Variants in MDN1 observed in about 807,000 individuals in gnomAD.
The protein encoded by MDN1 is midasin.
A neutral mutation model predicts 669.2 loss-of-function variants in MDN1; 266 were observed. The observed-to-expected ratio is 0.40, with a 90% confidence interval of 0.36 to 0.44. The LOEUF is 0.44. MDN1 is among the 20% of genes least tolerant of loss of function. The probability of loss-of-function intolerance (pLI) is 1.00; values close to 1 mark genes in which losing one functional copy is unlikely to be tolerated. For missense variants in MDN1, 5,940 were observed against 6,754.0 expected (o/e 0.88, Z 4.22); for synonymous variants, 2,385 against 2,457.1 (o/e 0.97, Z 0.87).
At chr6:89,708,350 T>C (rs1312132233) in intron 51 of MDN1, 146 bp downstream of exon 51, 1 of 985,350 alleles carries the variant, frequency 1.0e-6, no homozygotes. Context: ...GATTATCGTA[T>C]GATAAAGGCA....
chr6:89,676,328 T>C lies in MDN1; in HGVS notation c.12540-121A>G, dbSNP rs1334893158. On this transcript the variant is annotated intron_variant, in intron 76 of 101. Coordinates refer to ENST00000369393, the MANE Select transcript of MDN1 (RefSeq NM_014611.3). ...AGAGTCAGCTGTCTGAATAGGTTTA[T>C]TTCTATGAGGAATCATTCAGTGAGG... The C allele has an allele frequency of 3.8e-6, 3 of 784,596 alleles. No individual in the cohort carries two copies. In the African/African-American group the frequency reaches 5.1e-5, roughly 13 times the overall value. 48.6% of individuals were successfully genotyped at this position (784,596 alleles called of 1,614,324 possible).
chr6:89,764,430 C>T (rs1296651501), intron 15 of MDN1, among the ~76,000 whole-genome samples: 1 of 152,130 alleles, frequency 6.6e-6, no homozygotes, highest in Non-Finnish European at 1.5e-5. Flanking sequence ...CATGGTGAAA[C>T]CCTGTCTCTA....
rs369443893 is a variant in MDN1, at chr6:89,708,980, TA to T, written c.7766-353del. On this transcript the variant is annotated intron_variant, in intron 50 of 101. Transcript: ENST00000369393. ...AATTACACAGTGGTCACCATTAGCT[TA>T]AAAAAAAAAAAAAATACGTACATGG... Among the ~76,000 whole-genome samples, 342 of 144,644 alleles carry T rather than the reference TA, an allele frequency of 2.4e-3. 2 individuals are homozygous for T. Among genetic ancestry groups the T allele is most frequent in the African/African-American group, 6.7e-3 (261 of 39,176 alleles). The allele number at this position is 144,644 out of a possible 152,430, so 94.9% of individuals were successfully genotyped here.
Position 89,813,653 on chromosome 6 carries a change from C to T in MDN1, c.102+5853G>A, listed in dbSNP as rs542377502. Among the ~76,000 whole-genome samples the T allele has an allele frequency of 1.8e-4, 28 of 151,932 alleles. No individual in the cohort carries two copies. In the South Asian group the frequency reaches 5.6e-3, roughly 30 times the overall value. The stretch of plus-strand genomic sequence containing the variant: ...GGATGAGGTGGGAGGACCATTTGAG[C>T]CCAGGAGGTCAAGGCTGAAGTGAGC... On this transcript the variant is annotated intron_variant, in intron 1 of 101. Coordinates refer to ENST00000369393, the MANE Select transcript of MDN1 (RefSeq NM_014611.3).
At chr6:89,704,534 C>T (rs1813393422) in intron 53 of MDN1, among the ~76,000 whole-genome samples, 1 of 152,206 alleles carries the variant, frequency 6.6e-6, no homozygotes. Flanking sequence ...GTTACCAGTG[C>T]ACGAGCTATA....
chr6:89,810,081 T>G (rs926654146), intron 1 of MDN1, among the ~76,000 whole-genome samples: 1 of 150,610 alleles, frequency 6.6e-6, no homozygotes, highest in Non-Finnish European at 1.5e-5. Flanking sequence ...CCTGACTGAA[T>G]GTTTTTCTTA....
chr6:89,723,668 A>G (rs1269755357), intron 38 of MDN1, 49 bp from the exon 39 acceptor site: 2 of 1,090,120 alleles, frequency 1.8e-6, no homozygotes, highest in East Asian at 2.7e-5. Flanking sequence ...TCTCTTTACC[A>G]AACACTAGAA....
chr6:89,789,927 A>G lies in MDN1; in HGVS notation c.1099-16T>C. On this transcript the variant is annotated splice_polypyrimidine_tract_variant and intron_variant, in intron 6 of 101. Coordinates refer to ENST00000369393, the MANE Select transcript of MDN1 (RefSeq NM_014611.3). ...CCAAAAGCATCTGCAGAAAGAAGAT[A>G]AAGTAATTACTGAAAAACCATACCT... 1 of 1,606,838 alleles carries G rather than the reference A, an allele frequency of 6.2e-7. No individual in the cohort carries two copies.
rs1481363482 is a variant in MDN1, at chr6:89,803,403, T to C, written c.254A>G (p.Gln85Arg). The C allele has an allele frequency of 6.2e-7, 1 of 1,614,038 alleles. No individual in the cohort carries two copies. The highest frequency in any genetic ancestry group is 2.2e-5 in the East Asian group (1 of 44,898). ...CCGTTCATGCAGATCATGGTTGATTTGGCCTCCAGCTTTAATGGCTTCGGC... is the reference window on the plus strand; with the variant it reads ...CCGTTCATGCAGATCATGGTTGATTCGGCCTCCAGCTTTAATGGCTTCGGC... ...RNAEAIKAGG[Q>R]INHDLHERLC... Residue 85 changes from glutamine to arginine, a missense_variant, in exon 2 of 102, where the codon CAA becomes CGA. Gln to Arg is a conservative substitution (Grantham distance 43). Coordinates refer to ENST00000369393, the MANE Select transcript of MDN1 (RefSeq NM_014611.3).
intron 31 of MDN1, among the ~76,000 whole-genome samples, chr6:89,741,479 G>A (rs747907185): frequency 6.6e-5 from 10 of 151,360 alleles, no homozygotes; most frequent in Middle Eastern, 3.4e-3. Flanking sequence ...AAGTAATAGC[G>A]CCCCCCCAAA....
chr6:89,713,813 C>G (rs1337725155), intron 46 of MDN1, among the ~76,000 whole-genome samples: 1 of 151,954 alleles, frequency 6.6e-6, no homozygotes, highest in Non-Finnish European at 1.5e-5. Flanking sequence ...CTTTGGGAGG[C>G]CTAGGTGGGC....
chr6:89,688,296 A>C, intron 66 of MDN1, 123 bp from the exon 67 acceptor site: 2 of 900,150 alleles, frequency 2.2e-6, no homozygotes, highest in Non-Finnish European at 3.4e-6. Context: ...ACCTCTGAAA[A>C]AAAAAACAGA....
chr6:89,774,271 C>T (rs535975130), intron 13 of MDN1, among the ~76,000 whole-genome samples: 40 of 152,282 alleles, frequency 2.6e-4, no homozygotes, highest in African/African-American at 9.1e-4. Context: ...AATGTTACCT[C>T]GATCTCAGAA....
chr6:89,712,856 T>C (rs1365826967), intron 47 of MDN1, 70 bp from the exon 48 acceptor site: 5 of 1,411,960 alleles, frequency 3.5e-6, no homozygotes, highest in Non-Finnish European at 5.0e-6. Flanking sequence ...ACCAGCAAAG[T>C]AATAATAGTC....
At chr6:89,698,028 A>T (rs11964588) in intron 59 of MDN1, among the ~76,000 whole-genome samples, 109 of 152,320 alleles carry the variant, frequency 7.2e-4, no homozygotes, top group Admixed American at 6.1e-3. Context: ...TGACAGAAAC[A>T]ATTGAAAATG....
intron 1 of MDN1, among the ~76,000 whole-genome samples, chr6:89,813,924 T>TAA (rs61034558): frequency 2.9e-4 from 39 of 135,552 alleles, no homozygotes; most frequent in South Asian, 4.7e-4. Flanking sequence ...ACCTAAGATT[T>TAA]AAAAAAAAAA....
At chr6:89,696,290 C>A in intron 60 of MDN1, 70 bp downstream of exon 60, 1 of 1,494,844 alleles carries the variant, frequency 6.7e-7, no homozygotes, top group Admixed American at 1.8e-5. Flanking sequence ...GAAGTTCTCA[C>A]TGGGTCTCTG....
Position 89,710,686 on chromosome 6 carries a change from G to T in MDN1, c.7760C>A (p.Thr2587Lys). The T allele has an allele frequency of 6.4e-7, 1 of 1,561,678 alleles. No homozygotes were observed. The highest frequency in any genetic ancestry group is 1.4e-5 in the African/African-American group (1 of 72,474). Residue 2587 changes from threonine to lysine, a missense_variant, in exon 50 of 102, where the codon ACA (threonine) becomes AAA (lysine). Thr to Lys is a moderately conservative substitution (Grantham distance 78). Transcript: ENST00000369393. ...TAGAAATCAAAAGTGCATACCTGTTGTATTTGGTTGTAATATTTTGAAAAC... is the reference window on the plus strand; with the variant it reads ...TAGAAATCAAAAGTGCATACCTGTTTTATTTGGTTGTAATATTTTGAAAAC... ...SNVFKILQPN[T>K]TDEFVIPLDP... is the part of the protein sequence containing the mutation.
rs779370241 is a variant in MDN1 at position 89,688,745 on chromosome 6, G to C, written c.11087C>G (p.Thr3696Ser). 4.3e-6 allele frequency: 7 copies of C among 1,614,210 alleles called. No homozygotes were observed. The highest frequency in any genetic ancestry group is 5.9e-6 in the Non-Finnish European group (7 of 1,180,030). ...QLLACTLSHN[T>S]LFGEAPSDLM... ...GTCTGAGGGTGCCTCCCCAAAAAGAGTGTTATGGGAGAGGGTACAGGCCAA... is the reference window on the plus strand; with the variant it reads ...GTCTGAGGGTGCCTCCCCAAAAAGACTGTTATGGGAGAGGGTACAGGCCAA... The change falls in exon 66 of 102, where the codon ACT becomes AGT. Residue 3696 changes from threonine to serine, a missense_variant. By Grantham distance (58) the Thr-to-Ser change is moderately conservative. Transcript: ENST00000369393.
Sources: allele counts gnomAD v4.1 joint callset (sites outside exome capture counted in the v4.1 genomes callset), GRCh38; gene constraint gnomAD v4.1.1; transcripts MANE v1.5; gene names NCBI Gene and HGNC (gene_info 2026-07-23, HGNC 2026-07-21).